CPLANE1: variants seen among roughly 807,000 people sequenced by gnomAD.
The protein encoded by CPLANE1 is ciliogenesis and planar polarity effector 1.
CPLANE1 carries 263 observed loss-of-function variants against 362.5 expected under a neutral mutation model. That is an observed-to-expected ratio of 0.73 (90% confidence interval 0.66 to 0.80). The LOEUF is 0.80. Ranked by LOEUF, CPLANE1 falls within the 30% of genes least tolerant of loss-of-function variation. CPLANE1 has a pLI of 0.00. For synonymous variants in CPLANE1, 1,212 were observed against 1,302.6 expected, an observed-to-expected ratio of 0.93 and a Z score of 1.50; for missense variants, 3,461 against 3,793.4, an observed-to-expected ratio of 0.91 and a Z score of 2.30.
At chr5:37,137,922 T>G (rs375478862) in intron 46 of CPLANE1, among the ~76,000 whole-genome samples, 15 of 152,038 alleles carry the variant, frequency 9.9e-5, no homozygotes, top group East Asian at 3.9e-4. Flanking sequence ...CAGGGTTGTT[T>G]TTTTTTTTTT....
chr5:37,221,201 C>A, intron 15 of CPLANE1, 123 bp downstream of exon 15: 1 of 576,618 alleles, frequency 1.7e-6, no homozygotes, highest in Non-Finnish European at 3.0e-6. Context: ...TTCTGTAGTC[C>A]TAGCCACTTG....
rs1311011151 is a variant in CPLANE1, at chr5:37,239,698, CAG to C, written c.834+13_834+14del. The stretch of plus-strand genomic sequence containing the variant: ...TTCTTTTATAGATTACTTTCTAAGA[CAG>C]ATATTTACTGACCTTGGGGTCTTTC... On this transcript the variant is annotated intron_variant, in intron 7 of 52. Transcript: ENST00000651892. 1.4e-6 allele frequency: 2 copies of C among 1,423,300 alleles called. No homozygotes were observed. The highest frequency in any genetic ancestry group is 2.9e-5 in the African/African-American group (2 of 68,936). 88.2% of individuals were successfully genotyped at this position (1,423,300 alleles called of 1,614,324 possible).
intron 28 of CPLANE1, 35 bp from the exon 29 acceptor site, chr5:37,179,478 ATTTAAAAAATAAGCTATTGAC>A: frequency 7.0e-7 from 1 of 1,436,086 alleles, no homozygotes; most frequent in Non-Finnish European, 9.7e-7. Flanking sequence ...AAAACTGATC[ATTTAAAAAATAAGCTATTGAC>A]TTTTTAGGGG....
intron 21 of CPLANE1, among the ~76,000 whole-genome samples, chr5:37,192,678 C>G (rs1165458220): frequency 6.6e-6 from 1 of 151,032 alleles, no homozygotes; most frequent in Admixed American, 6.6e-5. Flanking sequence ...TCCTGGCTAA[C>G]ACGGTGAAAC....
rs555893528 is a variant in CPLANE1, at chr5:37,186,997, C to T, written c.4080+417G>A. ...AATGGCGTGAACCCGGGAGGCGGAG[C>T]TTGCAGTGAGCCGAGATCGCGCCAC... On this transcript the variant is annotated intron_variant, in intron 23 of 52. Transcript: ENST00000651892. Among the ~76,000 whole-genome samples the T allele has an allele frequency of 2.2e-5, 3 of 135,342 alleles. No homozygotes were observed. In the South Asian group the frequency reaches 7.3e-4, roughly 33 times the overall value. The allele number at this position is 135,342 out of a possible 152,430, so 88.8% of individuals were successfully genotyped here.
intron 30 of CPLANE1, among the ~76,000 whole-genome samples, chr5:37,176,600 T>C (rs1487853715): frequency 1.3e-5 from 2 of 152,134 alleles, no homozygotes; most frequent in East Asian, 3.8e-4. Flanking sequence ...GTCTTCTCTC[T>C]CTCTCTTCTT....
chr5:37,175,988 T>C lies in CPLANE1; in HGVS notation c.5901-2A>G. ...GGATGTGAAAAGGCTTCGATCATAC[T>C]ATCAATAAAAATTAACAGGTGATTA... is the stretch of plus-strand genomic sequence containing the variant. On this transcript the variant is annotated splice_acceptor_variant, in intron 30 of 52. Coordinates refer to ENST00000651892, the MANE Select transcript of CPLANE1 (RefSeq NM_001384732.1). LOFTEE classifies it high-confidence loss of function. 1 of 1,604,072 alleles carries C rather than the reference T, an allele frequency of 6.2e-7. No homozygotes were observed.
At chr5:37,198,920 T>C in intron 19 of CPLANE1, 54 bp from the exon 20 acceptor site, 12 of 1,535,474 alleles carry the variant, frequency 7.8e-6, no homozygotes, top group Middle Eastern at 1.8e-4. Context: ...AAATTTAGAA[T>C]GTTAAAATGA....
intron 29 of CPLANE1, among the ~76,000 whole-genome samples, chr5:37,178,567 C>T (rs779602362): frequency 6.7e-6 from 1 of 149,690 alleles, no homozygotes; most frequent in South Asian, 2.1e-4. Context: ...GAGCCATGAT[C>T]GTGCCACTGC....
intron 44 of CPLANE1, 128 bp from the exon 45 acceptor site, chr5:37,139,498 A>T: frequency 1.8e-6 from 2 of 1,085,986 alleles, no homozygotes; most frequent in Non-Finnish European, 2.4e-6. Flanking sequence ...TGGTTTATAG[A>T]TATATATTTA....
chr5:37,222,710 C>T (rs1795624432), intron 14 of CPLANE1, among the ~76,000 whole-genome samples: 1 of 152,034 alleles, frequency 6.6e-6, no homozygotes, highest in Admixed American at 6.6e-5. Context: ...GATGGACAAT[C>T]CCCAAGTCAG....
chr5:37,137,271 T>C (rs753087664), intron 46 of CPLANE1, among the ~76,000 whole-genome samples: 8 of 152,290 alleles, frequency 5.3e-5, no homozygotes, highest in East Asian at 1.9e-4. Context: ...AATCACCTTC[T>C]CCAGTTCCCA....
chr5:37,233,516 A>C (rs1371916608), intron 8 of CPLANE1, among the ~76,000 whole-genome samples: 1 of 151,998 alleles, frequency 6.6e-6, no homozygotes, highest in Non-Finnish European at 1.5e-5. Flanking sequence ...GGGGAGACCA[A>C]GCTCTCCGAA....
intron 15 of CPLANE1, among the ~76,000 whole-genome samples, chr5:37,218,835 C>G (rs553606435): frequency 4.9e-4 from 74 of 151,860 alleles, no homozygotes; most frequent in Admixed American, 7.9e-4. Context: ...GTAATCCCAG[C>G]TACTCGGGAG....
rs143147192 is a variant in CPLANE1, at chr5:37,169,067, T to C, written c.6957A>G (p.Gln2319=). 7.2e-3 allele frequency: 11,574 copies of C among 1,614,242 alleles called. 88 individuals carry two copies. The highest frequency in any genetic ancestry group is 0.064 in the Middle Eastern group (389 of 6,062). Residue 2319 remains glutamine, a synonymous_variant, in exon 34 of 53, where the codon CAA becomes CAG. Transcript: ENST00000651892. ...GTGTCAAATTTTCTTGTCCAACATA[T>C]TGATCCAAGTTCACATGATTAGGAA... ...TEIPNHVNLD[Q]YVGQENLTPQ...
At chr5:37,222,025 C>T (rs143319612) in intron 14 of CPLANE1, among the ~76,000 whole-genome samples, 144 of 152,082 alleles carry the variant, frequency 9.5e-4, no homozygotes, top group Middle Eastern at 6.8e-3. Context: ...GCCAAAGAGA[C>T]TTACTGAAGC....
intron 6 of CPLANE1, among the ~76,000 whole-genome samples, chr5:37,241,202 C>T (rs1397739262): frequency 6.6e-6 from 1 of 151,286 alleles, no homozygotes; most frequent in Non-Finnish European, 1.5e-5. Context: ...GCCTGTAATC[C>T]CAGCACTTTG....
chr5:37,218,415 C>A (rs916763390), intron 15 of CPLANE1, among the ~76,000 whole-genome samples: 5 of 152,154 alleles, frequency 3.3e-5, no homozygotes, highest in Non-Finnish European at 7.3e-5. Context: ...CTGTGTGACT[C>A]TACTGGGAGA....
intron 20 of CPLANE1, among the ~76,000 whole-genome samples, chr5:37,196,732 C>A (rs1787584857): frequency 6.6e-6 from 1 of 152,034 alleles, no homozygotes; most frequent in South Asian, 2.1e-4. Flanking sequence ...TGAGCCCAGC[C>A]CGGCCAACAT....
Sources: gnomAD v4.1 joint callset for allele counts (sites outside exome capture counted in the v4.1 genomes callset) on GRCh38, gnomAD v4.1.1 for gene constraint, MANE v1.5 for transcripts, NCBI Gene and HGNC (gene_info 2026-07-23, HGNC 2026-07-21) for gene names.